The following ASTN1 variants were observed in gnomAD, a reference collection of about 807,000 sequenced individuals.
ASTN1 encodes the protein astrotactin-1.
A neutral mutation model predicts 140.7 loss-of-function variants in ASTN1; 41 were observed. The observed-to-expected ratio is 0.29, with a 90% confidence interval of 0.23 to 0.38. ASTN1 has a LOEUF of 0.38. Among genes scored for constraint, ASTN1 ranks in the 10% least tolerant of loss-of-function variants. The pLI, the probability that ASTN1 is intolerant of heterozygous loss-of-function variation, is 1.00. For missense variants in ASTN1, 1,479 were observed against 1,678.8 expected (o/e 0.88, Z 2.08); for synonymous variants, 640 against 652.2 (o/e 0.98, Z 0.29).
Position 176,862,866 on chromosome 1 carries a change from C to CTT in ASTN1, c.*1416_*1417dup. 1.0e-6 allele frequency: 1 copy of CTT among 985,440 alleles called. No homozygotes were observed. Among genetic ancestry groups the CTT allele is most frequent in the South Asian group, 4.7e-5 (1 of 21,282 alleles). 61.0% of individuals were successfully genotyped at this position (985,440 alleles called of 1,614,324 possible). The stretch of plus-strand genomic sequence containing the variant: ...AAACCAATATAGCTCAATGACTAGC[C>CTT]TTATAGGTCTTGCATCTGTTTGCTG... On this transcript the variant is annotated 3_prime_UTR_variant, in exon 23 of 23. Coordinates refer to ENST00000361833, the MANE Select transcript of ASTN1 (RefSeq NM_004319.3).
chr1:177,006,206 C>T (rs1674985937), intron 8 of ASTN1, among the ~76,000 whole-genome samples: 1 of 152,056 alleles, frequency 6.6e-6, no homozygotes, highest in Non-Finnish European at 1.5e-5. Flanking sequence ...GTATCACAAA[C>T]ATACTTTTAA....
chr1:176,976,378 C>A (rs1368016603), intron 8 of ASTN1: 1 of 152,180 alleles, frequency 6.6e-6, no homozygotes, highest in Non-Finnish European at 1.5e-5. Flanking sequence ...CTCTCTTCCT[C>A]CTCTCTCACC....
At chr1:176,883,052 G>A in intron 19 of ASTN1, 58 bp from the exon 20 acceptor site, 2 of 1,600,890 alleles carry the variant, frequency 1.2e-6, no homozygotes, top group African/African-American at 1.3e-5. Flanking sequence ...CAAGCAATGA[G>A]GAGATGGAGT....
intron 21 of ASTN1, among the ~76,000 whole-genome samples, chr1:176,876,332 G>C (rs1186293032): frequency 1.3e-5 from 2 of 152,100 alleles, no homozygotes; most frequent in Non-Finnish European, 2.9e-5. Flanking sequence ...TGACTGTGTG[G>C]AGTAATGCAA....
intron 2 of ASTN1, among the ~76,000 whole-genome samples, chr1:177,047,093 A>G (rs184717535): frequency 1.4e-4 from 22 of 152,300 alleles, no homozygotes; most frequent in African/African-American, 5.3e-4. Flanking sequence ...CCCAGCAAGG[A>G]GCTTACACTC....
intron 8 of ASTN1, among the ~76,000 whole-genome samples, chr1:177,008,448 G>GGAGAGGGAGAGGAAGAGAGAGA (rs1202639434): frequency 4.5e-5 from 4 of 89,598 alleles, no homozygotes; most frequent in East Asian, 2.3e-4. Flanking sequence ...AGAGGAAGAG[G>GGAGAGGGAGAGGAAGAGAGAGA]GAGAGGGAGA....
chr1:177,095,064 T>C (rs1047114102), intron 1 of ASTN1, among the ~76,000 whole-genome samples: 10 of 152,178 alleles, frequency 6.6e-5, no homozygotes, highest in African/African-American at 2.2e-4. Flanking sequence ...TTGTAGAAGG[T>C]AGAATTTGTG....
chr1:176,863,609 T>G lies in ASTN1; in HGVS notation c.*675A>C, dbSNP rs1217871768. ...GGACAGAGATCTGACAGAGGGAGATTTAATCCCAGTCCTGGCTTAAAATAA... is the reference window on the plus strand; with the variant it reads ...GGACAGAGATCTGACAGAGGGAGATGTAATCCCAGTCCTGGCTTAAAATAA... On this transcript the variant is annotated 3_prime_UTR_variant, in exon 23 of 23. Coordinates refer to ENST00000361833, the MANE Select transcript of ASTN1 (RefSeq NM_004319.3). The G allele has an allele frequency of 1.0e-6, 1 of 985,430 alleles. No homozygotes were observed. Among genetic ancestry groups the G allele is most frequent in the Non-Finnish European group, 1.2e-6 (1 of 830,052 alleles). 61.0% of individuals were successfully genotyped at this position (985,430 alleles called of 1,614,324 possible).
At chr1:176,936,505 T>C in intron 14 of ASTN1, 135 bp from the exon 15 acceptor site, 1 of 699,938 alleles carries the variant, frequency 1.4e-6, no homozygotes, top group South Asian at 1.9e-5. Flanking sequence ...TGAAGAGAAT[T>C]TCTGGAACCA....
At chr1:176,992,370 C>T (rs77244020) in intron 8 of ASTN1, among the ~76,000 whole-genome samples, 4 of 150,580 alleles carry the variant, frequency 2.7e-5, no homozygotes, top group African/African-American at 4.9e-5. Flanking sequence ...AGGAGATGAG[C>T]GAATATTGAA....
rs558348463 is a variant in ASTN1 at position 176,975,856 on chromosome 1, G to A, written c.1524-10619C>T. Among the ~76,000 whole-genome samples the A allele has an allele frequency of 5.3e-5, 8 of 152,214 alleles. No individual in the cohort carries two copies. The South Asian group carries it at 1.7e-3, about 32-fold the overall frequency. On this transcript the variant is annotated intron_variant, in intron 8 of 22. Coordinates refer to ENST00000361833, the MANE Select transcript of ASTN1 (RefSeq NM_004319.3). ...ATCAGTATTTTTAAAATATTAGGTG[G>A]ATGATTCTAAAGCACACAATAGGTT...
intron 1 of ASTN1, among the ~76,000 whole-genome samples, chr1:177,068,022 C>T (rs1678451688): frequency 6.6e-6 from 1 of 152,184 alleles, no homozygotes; most frequent in African/African-American, 2.4e-5. Context: ...CCTGCTCGGC[C>T]TGAAGTCAGC....
At chr1:177,015,313 G>T (rs1558032668) in intron 7 of ASTN1, among the ~76,000 whole-genome samples, 1 of 152,218 alleles carries the variant, frequency 6.6e-6, no homozygotes, top group Non-Finnish European at 1.5e-5. Context: ...GGTATTATTG[G>T]CTATGTTATG....
chr1:177,126,731 A>G (rs1266681972), intron 1 of ASTN1, among the ~76,000 whole-genome samples: 1 of 152,132 alleles, frequency 6.6e-6, no homozygotes, highest in Non-Finnish European at 1.5e-5. Flanking sequence ...ATCATGCATC[A>G]CTTCTCATTA....
chr1:177,104,638 C>T lies in ASTN1; in HGVS notation c.284-43373G>A, dbSNP rs186053109. ...GTGATTTTCGCAGTTTAACTATTTC[C>T]TGCTCAAAGACTGCCACAGATGCTT... is the stretch of plus-strand genomic sequence containing the variant. On this transcript the variant is annotated intron_variant, in intron 1 of 22. Transcript: ENST00000361833. Among the ~76,000 whole-genome samples the T allele has an allele frequency of 1.6e-4, 25 of 152,270 alleles. 1 individual carries two copies. Among genetic ancestry groups the T allele is most frequent in the Admixed American group, 4.6e-4 (7 of 15,298 alleles).
intron 8 of ASTN1, among the ~76,000 whole-genome samples, chr1:176,965,535 A>G (rs928922006): frequency 6.6e-6 from 1 of 152,258 alleles, no homozygotes; most frequent in African/African-American, 2.4e-5. Context: ...TTCATAATTC[A>G]TGGTCCTTTA....
chr1:176,984,813 A>T (rs1673809359), intron 8 of ASTN1, among the ~76,000 whole-genome samples: 1 of 152,172 alleles, frequency 6.6e-6, no homozygotes, highest in Non-Finnish European at 1.5e-5. Flanking sequence ...TCTTGTCCAT[A>T]ATAAACATCC....
intron 5 of ASTN1, 81 bp from the exon 6 acceptor site, chr1:177,024,813 C>T: frequency 6.7e-7 from 1 of 1,487,726 alleles, no homozygotes; most frequent in South Asian, 1.2e-5. Flanking sequence ...GCCAATCATC[C>T]TGGCAAACAG....
intron 8 of ASTN1, among the ~76,000 whole-genome samples, chr1:176,989,344 T>C (rs954896174): frequency 1.3e-5 from 2 of 152,238 alleles, no homozygotes; most frequent in Non-Finnish European, 2.9e-5. Flanking sequence ...TCACTGCCAT[T>C]TTCTTTAGAG....
Sources: gnomAD v4.1 joint callset for allele counts (sites outside exome capture counted in the v4.1 genomes callset) on GRCh38, gnomAD v4.1.1 for gene constraint, MANE v1.5 for transcripts, NCBI Gene and HGNC (gene_info 2026-07-23, HGNC 2026-07-21) for gene names.